The following KIF18A variants were observed in gnomAD, a reference collection of about 807,000 sequenced individuals.
The protein encoded by KIF18A is kinesin family member 18A, also known as kinesin-like protein KIF18A.
KIF18A carries 67 observed loss-of-function variants against 103.3 expected under a neutral mutation model. That is an observed-to-expected ratio of 0.65 (90% confidence interval 0.53 to 0.79). KIF18A has a LOEUF of 0.79. KIF18A is among the 30% of genes least tolerant of loss of function. KIF18A has a pLI of 0.00. For missense variants in KIF18A, 1,032 were observed against 1,062.5 expected, an observed-to-expected ratio of 0.97 and a Z score of 0.40; for synonymous variants, 367 against 355.5, an observed-to-expected ratio of 1.03 and a Z score of -0.36.
At chr11:28,076,453 T>C (rs1454004132) in intron 10 of KIF18A, 1 of 152,198 alleles carries the variant, frequency 6.6e-6, no homozygotes, top group Admixed American at 6.5e-5. Flanking sequence ...AAACAACAGT[T>C]GTAACTGAGA....
intron 14 of KIF18A, among the ~76,000 whole-genome samples, 185 bp downstream of exon 14, chr11:28,036,032 T>A (rs1850481396): frequency 6.6e-6 from 1 of 151,506 alleles, no homozygotes; most frequent in Non-Finnish European, 1.5e-5. Flanking sequence ...AGATATCAAA[T>A]TTAAGACTTT....
At chr11:28,038,280 C>T (rs1174308994) in intron 13 of KIF18A, among the ~76,000 whole-genome samples, 1 of 151,422 alleles carries the variant, frequency 6.6e-6, no homozygotes, top group Non-Finnish European at 1.5e-5. Context: ...ATCTGGTAAA[C>T]ACCTTTTATT....
At position 28,022,443 on chromosome 11, in the gene KIF18A, T is replaced by G. The variant is rs1347413279; in HGVS notation, c.2615-1161A>C. On this transcript the variant is annotated intron_variant, in intron 16 of 16. Transcript: ENST00000263181. ...CCATGCCCGGCTAATTTTTTAAAATTTTTTTGGTAGAGACGGGGTTTCACC... is the reference window on the plus strand; with the variant it reads ...CCATGCCCGGCTAATTTTTTAAAATGTTTTTGGTAGAGACGGGGTTTCACC... Among the ~76,000 whole-genome samples, 4 of 152,106 alleles carry G rather than the reference T, an allele frequency of 2.6e-5. No individual in the cohort carries two copies. The East Asian group carries it at 7.8e-4, about 30-fold the overall frequency.
chr11:28,100,792 A>T (rs1851435968), intron 1 of KIF18A, among the ~76,000 whole-genome samples: 1 of 152,080 alleles, frequency 6.6e-6, no homozygotes, highest in Non-Finnish European at 1.5e-5. Flanking sequence ...AGGGATGGTC[A>T]TTTGGATTCT....
rs1247364220 is a variant in KIF18A at position 28,029,714 on chromosome 11, C to G, written c.2504+5673G>C. Reference sequence around the variant, plus strand: ...GCAAGAGAAGGAAATAAAAGGTATTCAATTAGGAAAAGAAGAAGTCAAATT... The same window carrying G: ...GCAAGAGAAGGAAATAAAAGGTATTGAATTAGGAAAAGAAGAAGTCAAATT... On this transcript the variant is annotated intron_variant, in intron 15 of 16. Transcript: ENST00000263181. Among the ~76,000 whole-genome samples, 18 of 150,216 alleles carry G rather than the reference C, an allele frequency of 1.2e-4. No individual in the cohort carries two copies. In the East Asian group the frequency reaches 3.4e-3, roughly 28 times the overall value.
chr11:28,046,716 G>GA (rs200881195), intron 13 of KIF18A, among the ~76,000 whole-genome samples: 2 of 114,514 alleles, frequency 1.7e-5, no homozygotes, highest in Non-Finnish European at 3.6e-5. Flanking sequence ...AAAAAAAAAA[G>GA]AAAAAAAATA....
intron 10 of KIF18A, 31 bp downstream of exon 10, chr11:28,076,976 T>C (rs1395854723): frequency 1.1e-5 from 13 of 1,199,880 alleles, no homozygotes; most frequent in African/African-American, 1.6e-5. Flanking sequence ...TTTTATACTT[T>C]CTAAAATTTA....
intron 11 of KIF18A, among the ~76,000 whole-genome samples, chr11:28,067,824 A>C (rs888484435): frequency 6.6e-6 from 1 of 152,116 alleles, no homozygotes; most frequent in Non-Finnish European, 1.5e-5. Flanking sequence ...TTTGGGTGAA[A>C]ATTAGTTATT....
At chr11:28,032,803 C>G (rs988090355) in intron 15 of KIF18A, among the ~76,000 whole-genome samples, 1 of 151,780 alleles carries the variant, frequency 6.6e-6, no homozygotes, top group Non-Finnish European at 1.5e-5. Flanking sequence ...GGACACTGGA[C>G]TGGACAAAGA....
intron 1 of KIF18A, among the ~76,000 whole-genome samples, chr11:28,099,766 G>C (rs1851421958): frequency 6.6e-6 from 1 of 152,052 alleles, no homozygotes. Flanking sequence ...GTGAGCAAAG[G>C]GGAGTGTAGT....
chr11:28,023,702 G>T, intron 16 of KIF18A, 39 bp downstream of exon 16: 3 of 1,145,280 alleles, frequency 2.6e-6, no homozygotes, highest in Non-Finnish European at 4.0e-6. Context: ...GTGTTACAGA[G>T]TCATACCATT....
chr11:28,043,384 T>C (rs1850585547), intron 13 of KIF18A, among the ~76,000 whole-genome samples: 1 of 151,842 alleles, frequency 6.6e-6, no homozygotes, highest in Non-Finnish European at 1.5e-5. Flanking sequence ...AAAAACATAA[T>C]TATAATAAGC....
chr11:28,065,671 T>C (rs1355064652), intron 11 of KIF18A, among the ~76,000 whole-genome samples: 1 of 152,014 alleles, frequency 6.6e-6, no homozygotes, highest in African/African-American at 2.4e-5. Context: ...TTTTTAAAAT[T>C]GGAAGCTTAC....
intron 13 of KIF18A, among the ~76,000 whole-genome samples, chr11:28,045,801 G>A (rs1477051779): frequency 2.0e-5 from 3 of 151,982 alleles, no homozygotes; most frequent in African/African-American, 7.3e-5. Context: ...CTACTCATCT[G>A]ACAAAGGGCT....
At chr11:28,026,199 A>G (rs924443376) in intron 15 of KIF18A, among the ~76,000 whole-genome samples, 1 of 151,884 alleles carries the variant, frequency 6.6e-6, no homozygotes, top group Non-Finnish European at 1.5e-5. Flanking sequence ...TATTTAAACA[A>G]ATCTGTTGGG....
intron 15 of KIF18A, among the ~76,000 whole-genome samples, chr11:28,034,243 C>T (rs980279747): frequency 1.3e-5 from 2 of 151,738 alleles, no homozygotes; most frequent in Non-Finnish European, 1.5e-5. Context: ...TGAATCACTG[C>T]TCCCATGATG....
intron 10 of KIF18A, among the ~76,000 whole-genome samples, chr11:28,074,505 A>G (rs573893995): frequency 6.6e-6 from 1 of 152,166 alleles, no homozygotes; most frequent in Non-Finnish European, 1.5e-5. Flanking sequence ...AAATTTCATT[A>G]AGGCATAAAA....
intron 3 of KIF18A, among the ~76,000 whole-genome samples, chr11:28,093,209 G>GA (rs1412907088): frequency 6.6e-6 from 1 of 152,014 alleles, no homozygotes; most frequent in Non-Finnish European, 1.5e-5. Context: ...AGGATCTAAG[G>GA]AAAAAATAAT....
chr11:28,096,853 G>T (rs1426859463), intron 2 of KIF18A, among the ~76,000 whole-genome samples: 2 of 144,456 alleles, frequency 1.4e-5, no homozygotes, highest in African/African-American at 2.5e-5. Flanking sequence ...TGGCCATTTT[G>T]CATCTTGGGT....
Sources: allele counts gnomAD v4.1 joint callset (sites outside exome capture counted in the v4.1 genomes callset), GRCh38; gene constraint gnomAD v4.1.1; transcripts MANE v1.5; gene names NCBI Gene and HGNC (gene_info 2026-07-23, HGNC 2026-07-21).